SLC25A21: variants seen among roughly 807,000 people sequenced by gnomAD.
SLC25A21 encodes the protein solute carrier family 25 member 21.
In SLC25A21, 47 loss-of-function variants were observed where a neutral mutation model predicts 43.8. The observed-to-expected ratio is 1.07, with a 90% CI of 0.85 to 1.37. SLC25A21 has a LOEUF of 1.37. Among genes scored for constraint, SLC25A21 ranks in the 40% most tolerant of loss-of-function variants. The pLI, the probability that SLC25A21 is intolerant of heterozygous loss-of-function variation, is 0.00. For synonymous variants in SLC25A21, 131 were observed against 121.3 expected, an observed-to-expected ratio of 1.08 and a Z score of -0.52; for missense variants, 352 against 350.2, an observed-to-expected ratio of 1.00 and a Z score of -0.04.
At chr14:37,117,868 G>GT (rs67564941) in intron 1 of SLC25A21, among the ~76,000 whole-genome samples, 81 of 151,208 alleles carry the variant, frequency 5.4e-4, no homozygotes, top group Admixed American at 1.3e-3. Context: ...TTTTTTGTTT[G>GT]TTTTTTTTTT....
At chr14:36,809,785 GC>G (rs567189232) in intron 3 of SLC25A21, among the ~76,000 whole-genome samples, 1 of 152,300 alleles carries the variant, frequency 6.6e-6, no homozygotes, top group Non-Finnish European at 1.5e-5. Flanking sequence ...ACCAGGAGAG[GC>G]GAATTCTCCT....
intron 3 of SLC25A21, among the ~76,000 whole-genome samples, chr14:36,752,900 A>G (rs1334594087): frequency 6.6e-6 from 1 of 152,120 alleles, no homozygotes; most frequent in Non-Finnish European, 1.5e-5. Flanking sequence ...TTCTACCACG[A>G]TTGTAAGTTT....
At chr14:37,086,106 A>C (rs1166316304) in intron 1 of SLC25A21, among the ~76,000 whole-genome samples, 1 of 151,702 alleles carries the variant, frequency 6.6e-6, no homozygotes, top group Non-Finnish European at 1.5e-5. Flanking sequence ...CTCCGTCTCA[A>C]AAAAAAAATG....
intron 7 of SLC25A21, among the ~76,000 whole-genome samples, chr14:36,695,943 T>C (rs1189783523): frequency 6.6e-6 from 1 of 152,228 alleles, no homozygotes; most frequent in Non-Finnish European, 1.5e-5. Context: ...TCCAACACTA[T>C]GTTGAACAGG....
chr14:37,145,985 T>G (rs1169586884), intron 1 of SLC25A21, among the ~76,000 whole-genome samples: 1 of 152,124 alleles, frequency 6.6e-6, no homozygotes, highest in African/African-American at 2.4e-5. Context: ...TAGGGTAATG[T>G]CTCAATTTGA....
At chr14:36,986,549 T>C (rs1960148968) in intron 1 of SLC25A21, among the ~76,000 whole-genome samples, 1 of 152,148 alleles carries the variant, frequency 6.6e-6, no homozygotes, top group Non-Finnish European at 1.5e-5. Context: ...ACCCAGAGCC[T>C]AGAACACTTC....
intron 1 of SLC25A21, among the ~76,000 whole-genome samples, chr14:36,945,144 C>T (rs1892649958): frequency 6.6e-6 from 1 of 152,072 alleles, no homozygotes; most frequent in South Asian, 2.1e-4. Flanking sequence ...AAGTGGTTAC[C>T]CAGTCCATCA....
chr14:36,727,386 C>T (rs764017850), intron 5 of SLC25A21, among the ~76,000 whole-genome samples: 1 of 152,074 alleles, frequency 6.6e-6, no homozygotes, highest in East Asian at 1.9e-4. Flanking sequence ...GTTCTTGTTG[C>T]GCATAAAAAA....
chr14:36,789,398 ATTTC>A (rs1337899326), intron 3 of SLC25A21, among the ~76,000 whole-genome samples: 1 of 151,984 alleles, frequency 6.6e-6, no homozygotes, highest in Non-Finnish European at 1.5e-5. Context: ...AGAACTTGCC[ATTTC>A]TTTCTAAGAA....
chr14:36,895,709 G>A (rs1891218060), intron 1 of SLC25A21, among the ~76,000 whole-genome samples: 1 of 152,046 alleles, frequency 6.6e-6, no homozygotes. Context: ...ACACTGCTTT[G>A]AATGTGTTCC....
chr14:36,870,327 G>A (rs1481507112), intron 2 of SLC25A21: 1 of 152,226 alleles, frequency 6.6e-6, no homozygotes, highest in Admixed American at 6.5e-5. Context: ...AAGTCCAGAA[G>A]TCCAAAATCA....
At chr14:37,077,270 T>C (rs986999287) in intron 1 of SLC25A21, among the ~76,000 whole-genome samples, 1 of 152,226 alleles carries the variant, frequency 6.6e-6, no homozygotes, top group South Asian at 2.1e-4. Flanking sequence ...AGCTTATTTA[T>C]AATGTGTTTA....
intron 1 of SLC25A21, among the ~76,000 whole-genome samples, chr14:36,933,696 C>CA (rs1311512008): frequency 2.0e-5 from 3 of 152,144 alleles, no homozygotes; most frequent in Non-Finnish European, 4.4e-5. Context: ...CAAGAGGAAT[C>CA]AGGAAACTGC....
chr14:36,708,142 A>T (rs954416641), intron 7 of SLC25A21, among the ~76,000 whole-genome samples: 2 of 152,222 alleles, frequency 1.3e-5, no homozygotes, highest in Non-Finnish European at 2.9e-5. Flanking sequence ...ATATTTCACT[A>T]AACTCCCTAC....
chr14:37,028,178 C>A (rs985259833), intron 1 of SLC25A21, among the ~76,000 whole-genome samples: 1 of 119,462 alleles, frequency 8.4e-6, no homozygotes, highest in South Asian at 2.1e-4. Flanking sequence ...ACTTTCTGAG[C>A]CCCAAAGAAG....
intron 1 of SLC25A21, among the ~76,000 whole-genome samples, chr14:37,164,541 AT>A (rs2138953998): frequency 6.6e-6 from 1 of 152,202 alleles, no homozygotes; most frequent in Non-Finnish European, 1.5e-5. Flanking sequence ...TTGCAAAAGA[AT>A]TTTCCTTGAT....
chr14:36,896,024 G>T (rs1163091038), intron 1 of SLC25A21, among the ~76,000 whole-genome samples: 1 of 152,178 alleles, frequency 6.6e-6, no homozygotes, highest in Non-Finnish European at 1.5e-5. Context: ...CTGTTGATTT[G>T]GGGTGGAGTG....
At chr14:36,779,544 CATATTCTTATAT>C (rs1566605602) in intron 3 of SLC25A21, among the ~76,000 whole-genome samples, 3 of 130,948 alleles carry the variant, frequency 2.3e-5, no homozygotes, top group Non-Finnish European at 5.0e-5. Flanking sequence ...TAAGAATAAA[CATATTCTTATAT>C]ATATGAAGAA....
intron 2 of SLC25A21, among the ~76,000 whole-genome samples, chr14:36,845,601 A>C (rs2138506280): frequency 6.6e-6 from 1 of 152,364 alleles, no homozygotes; most frequent in East Asian, 1.9e-4. Context: ...ACATTTTAAA[A>C]AGTCTTAATT....
Sources: allele counts gnomAD v4.1 joint callset (sites outside exome capture counted in the v4.1 genomes callset), GRCh38; gene constraint gnomAD v4.1.1; transcripts MANE v1.5; gene names NCBI Gene and HGNC (gene_info 2026-07-23, HGNC 2026-07-21).